POFUT3: variants seen among roughly 807,000 people sequenced by gnomAD.
The protein encoded by POFUT3 is protein O-fucosyltransferase 3, also known as GDP-fucose protein O-fucosyltransferase 3.
At chr8:33,371,979 A>G in the POFUT3 span, 176 of 174,928 alleles carry the variant, frequency 1.0e-3, 1 homozygote, top group African/African-American at 4.0e-3. Context: ...GGGAGGCGAT[A>G]GGGCAAGGCA....
At chr8:33,320,090 A>G in the POFUT3 span, among the ~76,000 whole-genome samples, 1 of 151,910 alleles carries the variant, frequency 6.6e-6, no homozygotes, top group Admixed American at 6.6e-5. Flanking sequence ...ATCTAAGAAC[A>G]GAGACTATGC....
At chr8:33,379,680 A>G in the POFUT3 span, among the ~76,000 whole-genome samples, 3 of 151,214 alleles carry the variant, frequency 2.0e-5, no homozygotes, top group African/African-American at 7.3e-5. Flanking sequence ...TACTAAAAAT[A>G]CAAAAATTTG....
At chr8:33,419,089 G>A in the POFUT3 span, among the ~76,000 whole-genome samples, 101,438 of 151,972 alleles carry the variant, frequency 0.67, 34,733 homozygotes, top group Admixed American at 0.75. Flanking sequence ...GGGGTGGGGT[G>A]GATAAAGAGA....
the POFUT3 span, among the ~76,000 whole-genome samples, chr8:33,444,920 T>C: frequency 6.7e-6 from 1 of 149,538 alleles, no homozygotes; most frequent in African/African-American, 2.5e-5. Flanking sequence ...TATTGTTCAG[T>C]TATGACCTTC....
the POFUT3 span, among the ~76,000 whole-genome samples, chr8:33,328,433 G>T: frequency 6.6e-6 from 1 of 152,146 alleles, no homozygotes; most frequent in South Asian, 2.1e-4. Flanking sequence ...CCAAGTCGGG[G>T]TGGAAAGGAA....
At chr8:33,381,394 A>T in the POFUT3 span, among the ~76,000 whole-genome samples, 3 of 152,176 alleles carry the variant, frequency 2.0e-5, no homozygotes, top group African/African-American at 7.2e-5. Context: ...TATTTAAAAC[A>T]TCACATTTAA....
the POFUT3 span, among the ~76,000 whole-genome samples, chr8:33,348,862 G>A: frequency 1.3e-5 from 2 of 152,048 alleles, no homozygotes; most frequent in Non-Finnish European, 2.9e-5. Flanking sequence ...TTCAGACAAG[G>A]GCTATATCAG....
the POFUT3 span, among the ~76,000 whole-genome samples, chr8:33,366,950 A>G: frequency 8.5e-5 from 13 of 152,272 alleles, no homozygotes; most frequent in African/African-American, 3.1e-4. Context: ...GAATATTAAA[A>G]AGACATGCAC....
chr8:33,431,056 G>C, the POFUT3 span, among the ~76,000 whole-genome samples: 2 of 152,166 alleles, frequency 1.3e-5, no homozygotes, highest in Non-Finnish European at 2.9e-5. Flanking sequence ...TTGTGGGTCT[G>C]TGTGGGCCTG....
the POFUT3 span, among the ~76,000 whole-genome samples, chr8:33,456,932 A>G: frequency 6.6e-6 from 1 of 151,532 alleles, no homozygotes; most frequent in Non-Finnish European, 1.5e-5. Context: ...CCACGCCCAG[A>G]TAATTTTTTT....
chr8:33,457,907 A>G, the POFUT3 span, among the ~76,000 whole-genome samples: 1 of 143,542 alleles, frequency 7.0e-6, no homozygotes, highest in East Asian at 2.0e-4. Context: ...TAACTATAAT[A>G]TTTTCATGTT....
the POFUT3 span, among the ~76,000 whole-genome samples, chr8:33,352,411 T>C: frequency 6.6e-6 from 1 of 152,226 alleles, no homozygotes; most frequent in Non-Finnish European, 1.5e-5. Context: ...ACAGGCACTT[T>C]CTGACAAATC....
chr8:33,335,977 C>CT, the POFUT3 span, among the ~76,000 whole-genome samples: 1,264 of 151,120 alleles, frequency 8.4e-3, 6 homozygotes, highest in Admixed American at 0.016. Flanking sequence ...ACCGGTGTAA[C>CT]TTTTTTTTTA....
chr8:33,427,267 C>T, the POFUT3 span, among the ~76,000 whole-genome samples: 1 of 151,944 alleles, frequency 6.6e-6, no homozygotes, highest in East Asian at 1.9e-4. Flanking sequence ...CATAGGAGAC[C>T]TTGTCTCTTA....
the POFUT3 span, among the ~76,000 whole-genome samples, chr8:33,361,857 C>A: frequency 6.6e-6 from 1 of 152,064 alleles, no homozygotes; most frequent in Non-Finnish European, 1.5e-5. Context: ...CTTCTTTTCA[C>A]TCATTGATCG....
At chr8:33,395,870 G>A in the POFUT3 span, among the ~76,000 whole-genome samples, 1 of 152,056 alleles carries the variant, frequency 6.6e-6, no homozygotes, top group Non-Finnish European at 1.5e-5. Flanking sequence ...TTCCTGCAAG[G>A]GGTTTGAGCA....
At chr8:33,355,136 T>A in the POFUT3 span, among the ~76,000 whole-genome samples, 2 of 152,192 alleles carry the variant, frequency 1.3e-5, no homozygotes, top group African/African-American at 4.8e-5. Context: ...TTCTTATCAA[T>A]GGGAGTATCT....
At chr8:33,381,195 T>G in the POFUT3 span, among the ~76,000 whole-genome samples, 3,215 of 152,254 alleles carry the variant, frequency 0.021, 114 homozygotes, top group African/African-American at 0.074. Flanking sequence ...GAAAATTACT[T>G]CAGGCAACTC....
the POFUT3 span, among the ~76,000 whole-genome samples, chr8:33,348,162 C>G: frequency 1.5e-5 from 2 of 134,320 alleles, no homozygotes; most frequent in East Asian, 5.1e-4. Flanking sequence ...CAGAGCAAGA[C>G]TCTGCCTCAA....
Sources: allele counts gnomAD v4.1 joint callset (sites outside exome capture counted in the v4.1 genomes callset), GRCh38; gene constraint gnomAD v4.1.1; transcripts MANE v1.5; gene names NCBI Gene and HGNC (gene_info 2026-07-23, HGNC 2026-07-21).